Variants in GPC5 observed in about 807,000 individuals in gnomAD.
GPC5 encodes glypican-5.
GPC5 carries 47 observed loss-of-function variants against 53.9 expected under a neutral mutation model. The observed-to-expected ratio is 0.87, with a 90% CI of 0.69 to 1.11. GPC5 has a LOEUF of 1.11. Ranked by LOEUF, GPC5 falls within the 50% of genes most tolerant of loss-of-function variation. The pLI is 0.00. For missense variants in GPC5, 748 were observed against 713.1 expected (o/e 1.05, Z -0.56); for synonymous variants, 286 against 263.3 (o/e 1.09, Z -0.84).
chr13:92,454,266 A>T (rs1878178730), intron 7 of GPC5, among the ~76,000 whole-genome samples: 1 of 152,172 alleles, frequency 6.6e-6, no homozygotes, highest in African/African-American at 2.4e-5. Context: ...TTCTCTCATA[A>T]ATGTGACTTG....
At chr13:91,956,878 A>T (rs1304183370) in intron 6 of GPC5, among the ~76,000 whole-genome samples, 1 of 152,176 alleles carries the variant, frequency 6.6e-6, no homozygotes, top group African/African-American at 2.4e-5. Flanking sequence ...TGTAAAAGAG[A>T]TGTGAAGATA....
intron 2 of GPC5, among the ~76,000 whole-genome samples, chr13:91,576,431 G>A (rs2032139277): frequency 6.6e-6 from 1 of 151,864 alleles, no homozygotes; most frequent in Non-Finnish European, 1.5e-5. Flanking sequence ...GGCAATAAAT[G>A]GACAGCAAAA....
intron 5 of GPC5, among the ~76,000 whole-genome samples, chr13:91,901,831 T>C (rs910400584): frequency 6.6e-6 from 1 of 151,864 alleles, no homozygotes; most frequent in African/African-American, 2.4e-5. Flanking sequence ...ACTCTGGAAA[T>C]GGAAAGAATT....
chr13:92,614,280 C>G (rs950251700), intron 7 of GPC5, among the ~76,000 whole-genome samples: 4 of 151,964 alleles, frequency 2.6e-5, no homozygotes, highest in Non-Finnish European at 5.9e-5. Context: ...GATCACAAAG[C>G]CTTTAAGTTT....
chr13:92,804,377 C>T (rs1158539561), intron 7 of GPC5, among the ~76,000 whole-genome samples: 1 of 151,856 alleles, frequency 6.6e-6, no homozygotes, highest in Non-Finnish European at 1.5e-5. Context: ...TTCTAGACCA[C>T]AACAATAAAG....
intron 7 of GPC5, among the ~76,000 whole-genome samples, chr13:92,522,258 C>A (rs1229638192): frequency 6.6e-6 from 1 of 152,090 alleles, no homozygotes. Context: ...CCCAGCCATC[C>A]CATTGCTGGA....
At chr13:92,108,713 A>T (rs982686315) in intron 6 of GPC5, among the ~76,000 whole-genome samples, 1 of 152,082 alleles carries the variant, frequency 6.6e-6, no homozygotes, top group African/African-American at 2.4e-5. Flanking sequence ...ACTCAACTAA[A>T]TCTATATGTA....
chr13:91,651,124 A>C (rs951161284), intron 2 of GPC5, among the ~76,000 whole-genome samples: 28 of 152,142 alleles, frequency 1.8e-4, no homozygotes, highest in African/African-American at 6.8e-4. Context: ...TCCAACAGTT[A>C]TGAATTTCAC....
chr13:92,200,439 C>T (rs766751522), intron 7 of GPC5, among the ~76,000 whole-genome samples: 1 of 152,154 alleles, frequency 6.6e-6, no homozygotes, highest in Non-Finnish European at 1.5e-5. Context: ...GCAAGACATT[C>T]AACTCGAATG....
At chr13:91,937,370 G>A (rs776513473) in intron 6 of GPC5, among the ~76,000 whole-genome samples, 7 of 151,980 alleles carry the variant, frequency 4.6e-5, no homozygotes, top group Non-Finnish European at 7.4e-5. Context: ...CTCTTTTTAC[G>A]TGATGTTTCT....
chr13:92,322,604 T>C (rs746647796), intron 7 of GPC5, among the ~76,000 whole-genome samples: 1 of 152,204 alleles, frequency 6.6e-6, no homozygotes, highest in Non-Finnish European at 1.5e-5. Context: ...TGAAATGCTA[T>C]GAACATAGTA....
At chr13:92,798,622 C>T (rs771915210) in intron 7 of GPC5, among the ~76,000 whole-genome samples, 1 of 151,744 alleles carries the variant, frequency 6.6e-6, no homozygotes, top group Non-Finnish European at 1.5e-5. Context: ...ATTTTCATAT[C>T]TGTTTCTAAT....
chr13:91,504,880 G>C (rs1050181276), intron 2 of GPC5, among the ~76,000 whole-genome samples: 3 of 152,136 alleles, frequency 2.0e-5, no homozygotes, highest in African/African-American at 7.2e-5. Flanking sequence ...CTTGAGGTAA[G>C]GAGTTGAGGC....
intron 6 of GPC5, among the ~76,000 whole-genome samples, chr13:92,089,113 T>C (rs2041357833): frequency 6.6e-6 from 1 of 152,166 alleles, no homozygotes; most frequent in African/African-American, 2.4e-5. Flanking sequence ...AAATGTGTAT[T>C]GGCTATTGTT....
chr13:92,337,698 G>A (rs1413415993), intron 7 of GPC5, among the ~76,000 whole-genome samples: 2 of 152,148 alleles, frequency 1.3e-5, no homozygotes, highest in Non-Finnish European at 1.5e-5. Flanking sequence ...AAGGAAATGC[G>A]ATGGTGCAAA....
chr13:91,802,575 G>A (rs2038153578), intron 5 of GPC5, among the ~76,000 whole-genome samples: 1 of 152,134 alleles, frequency 6.6e-6, no homozygotes, highest in Non-Finnish European at 1.5e-5. Flanking sequence ...CCCATGTCCT[G>A]CTGATTGGTC....
chr13:92,814,424 G>A (rs1877394574), intron 7 of GPC5, among the ~76,000 whole-genome samples: 1 of 151,906 alleles, frequency 6.6e-6, no homozygotes, highest in Admixed American at 6.5e-5. Flanking sequence ...ACTTTGGGAG[G>A]CCAAGGCGGG....
intron 7 of GPC5, among the ~76,000 whole-genome samples, chr13:92,590,707 T>C (rs1170200745): frequency 1.3e-5 from 2 of 152,240 alleles, no homozygotes; most frequent in African/African-American, 4.8e-5. Flanking sequence ...TTCAACATTG[T>C]GTGTGTTGCT....
At chr13:91,959,642 C>CA (rs890448176) in intron 6 of GPC5, among the ~76,000 whole-genome samples, 8 of 151,982 alleles carry the variant, frequency 5.3e-5, no homozygotes, top group African/African-American at 1.7e-4. Flanking sequence ...CAAAATTTCT[C>CA]AAAAAAATAC....
Sources: allele counts gnomAD v4.1 joint callset (sites outside exome capture counted in the v4.1 genomes callset), GRCh38; gene constraint gnomAD v4.1.1; transcripts MANE v1.5; gene names NCBI Gene and HGNC (gene_info 2026-07-23, HGNC 2026-07-21).